Variants in NIPAL3 observed in about 807,000 individuals in gnomAD.
NIPAL3 encodes NIPA-like protein 3.
In NIPAL3, 41 loss-of-function variants were observed where a neutral mutation model predicts 47.2. The observed-to-expected ratio is 0.87, with a 90% confidence interval of 0.68 to 1.13. The LOEUF (loss-of-function observed/expected upper bound fraction) is 1.13, where lower values mean the gene tolerates loss of function less well. Ranked by LOEUF, NIPAL3 falls within the 50% of genes most tolerant of loss-of-function variation. The pLI, the probability that NIPAL3 is intolerant of heterozygous loss-of-function variation, is 0.00. For missense variants in NIPAL3, 449 were observed against 530.1 expected, an observed-to-expected ratio of 0.85 and a Z score of 1.50; for synonymous variants, 194 against 209.6, an observed-to-expected ratio of 0.93 and a Z score of 0.64.
chr1:24,432,533 C>T (rs1245657207), intron 2 of NIPAL3, among the ~76,000 whole-genome samples: 2 of 152,226 alleles, frequency 1.3e-5, no homozygotes, highest in Non-Finnish European at 2.9e-5. Context: ...TCAATACCTA[C>T]CCTGTTCCAG....
In NIPAL3 at chr1:24,419,535, C is replaced by G. The variant is rs185544511; in HGVS notation, c.-13C>G. On this transcript the variant is annotated 5_prime_UTR_variant, in exon 2 of 12. Transcript: ENST00000374399. Reference sequence around the variant, plus strand: ...CCTAGGCCAGGCCCTGTGGGATGCGCCACTAGACCACCATGGACGGATCCC... The same window carrying G: ...CCTAGGCCAGGCCCTGTGGGATGCGGCACTAGACCACCATGGACGGATCCC... 2.7e-5 allele frequency: 44 copies of G among 1,608,652 alleles called. No homozygotes were observed. The highest frequency in any genetic ancestry group is 3.7e-5 in the Non-Finnish European group (43 of 1,177,768).
chr1:24,436,007 C>T (rs1645086983), intron 2 of NIPAL3, among the ~76,000 whole-genome samples: 2 of 152,172 alleles, frequency 1.3e-5, no homozygotes, highest in South Asian at 2.1e-4. Context: ...ATGGAAGGGG[C>T]GAGCAGCCTC....
At chr1:24,453,296 A>G in intron 6 of NIPAL3, 112 bp from the exon 7 acceptor site, 1 of 691,178 alleles carries the variant, frequency 1.4e-6, no homozygotes, top group Non-Finnish European at 2.6e-6. Context: ...ATCATAGCTC[A>G]GTCATTCCCT....
In NIPAL3 at chr1:24,449,630, A is replaced by G; in HGVS notation, c.540+4A>G. 1 of 1,612,466 alleles carries G rather than the reference A, an allele frequency of 6.2e-7. No homozygotes were observed. Among genetic ancestry groups the G allele is most frequent in the Non-Finnish European group, 8.5e-7 (1 of 1,179,606 alleles). On this transcript the variant is annotated splice_donor_region_variant and intron_variant, in intron 6 of 11. Coordinates refer to ENST00000374399, the MANE Select transcript of NIPAL3 (RefSeq NM_020448.5). The surrounding 1 kb of genome is among the most constrained non-coding windows in gnomAD (Gnocchi z 4.5). The stretch of plus-strand genomic sequence containing the variant: ...CTGGCCTTTCCTTTTGTACATGGTA[A>G]GAGAAGCCTCCAGTCGTTCCCCCTG...
chr1:24,456,317 T>A, intron 8 of NIPAL3, 44 bp downstream of exon 8: 1 of 1,613,158 alleles, frequency 6.2e-7, no homozygotes, highest in Non-Finnish European at 8.5e-7. Context: ...CCATTCGGGC[T>A]GCTTCTCTTT....
At chr1:24,429,188 T>A (rs2148772570) in intron 2 of NIPAL3, among the ~76,000 whole-genome samples, 1 of 152,238 alleles carries the variant, frequency 6.6e-6, no homozygotes, top group Admixed American at 6.5e-5. Context: ...GGTGGGCAGA[T>A]CACCTGAGGT....
At chr1:24,429,887 AAT>A (rs1644800700) in intron 2 of NIPAL3, among the ~76,000 whole-genome samples, 1 of 152,224 alleles carries the variant, frequency 6.6e-6, no homozygotes, top group South Asian at 2.1e-4. Context: ...AAAGATGTAG[AAT>A]AGGTAATCAA....
chr1:24,416,399 C>G lies in NIPAL3; in HGVS notation c.-258+495C>G, dbSNP rs1644036540. 1 of 913,646 alleles carries G rather than the reference C, an allele frequency of 1.1e-6. No individual in the cohort carries two copies. The highest frequency in any genetic ancestry group is 1.3e-6 in the Non-Finnish European group (1 of 764,510). The allele number at this position is 913,646 out of a possible 1,614,324, so 56.6% of individuals were successfully genotyped here. ...TTGGCAGGGAACTGGCGCTCACCTC[C>G]AGAAGCCAGATCGTCGGGTGGTGGG... On this transcript the variant is annotated intron_variant, in intron 1 of 11. Coordinates refer to ENST00000374399, the MANE Select transcript of NIPAL3 (RefSeq NM_020448.5). This position sits in a 1 kb window ranked among gnomAD's most constrained non-coding sequence, Gnocchi z 4.8.
At chr1:24,441,894 T>A (rs1464216141) in intron 3 of NIPAL3, among the ~76,000 whole-genome samples, 161 bp from the exon 4 acceptor site, 1 of 152,178 alleles carries the variant, frequency 6.6e-6, no homozygotes, top group Non-Finnish European at 1.5e-5. Flanking sequence ...ATCTAGTATT[T>A]AGATCCCCAC....
At chr1:24,441,401 A>G (rs1212172280) in intron 3 of NIPAL3, among the ~76,000 whole-genome samples, 1 of 152,152 alleles carries the variant, frequency 6.6e-6, no homozygotes, top group Non-Finnish European at 1.5e-5. Flanking sequence ...ATCCTCCCCA[A>G]ATGGCAGACT....
Position 24,424,563 on chromosome 1 carries a change from A to G in NIPAL3, c.93+4923A>G, listed in dbSNP as rs557564682. On this transcript the variant is annotated intron_variant, in intron 2 of 11. Coordinates refer to ENST00000374399, the MANE Select transcript of NIPAL3 (RefSeq NM_020448.5). ...CTCCTTTCTCGATTTTGTTAAGGCT[A>G]TTTTGATTGCAAGGAGTAAAAACCC... 5.9e-5 allele frequency among the ~76,000 whole-genome samples: 9 copies of G among 152,298 alleles called. No homozygotes were observed. In the East Asian group the frequency reaches 1.7e-3, roughly 29 times the overall value.
In NIPAL3 at chr1:24,453,463, CCAA is replaced by C. The variant is rs751278232; in HGVS notation, c.602_604del (p.Asn201del). 1.2e-5 allele frequency: 20 copies of C among 1,613,644 alleles called. No homozygotes were observed. The highest frequency in any genetic ancestry group is 1.7e-5 in the Non-Finnish European group (20 of 1,179,822). On this transcript the variant is annotated inframe_deletion, in exon 7 of 12. Coordinates refer to ENST00000374399, the MANE Select transcript of NIPAL3 (RefSeq NM_020448.5). Reference sequence around the variant, plus strand: ...CTCTACTTCTACAAGGAGAAGAACGCCAACAACATTGTCGTGATTCTTCTCTTG... The same window carrying C: ...CTCTACTTCTACAAGGAGAAGAACGCCAACATTGTCGTGATTCTTCTCTTG...
chr1:24,425,940 C>A (rs1476583377), intron 2 of NIPAL3, among the ~76,000 whole-genome samples: 1 of 152,136 alleles, frequency 6.6e-6, no homozygotes, highest in Non-Finnish European at 1.5e-5. Context: ...CTTTAGCCAC[C>A]CTTTCATAGC....
intron 10 of NIPAL3, among the ~76,000 whole-genome samples, chr1:24,462,363 G>A (rs1570377894): frequency 6.6e-6 from 1 of 152,280 alleles, no homozygotes; most frequent in African/African-American, 2.4e-5. Context: ...TATTTATATA[G>A]TAGCTTTATT....
In NIPAL3 at chr1:24,456,140, T is replaced by A; in HGVS notation, c.640T>A (p.Ser214Thr). The change falls in exon 8 of 12, where the codon TCC becomes ACC. Residue 214 changes from serine to threonine, a missense_variant and splice_region_variant. Transcript: ENST00000374399. ...TCGCCCTTGTCTCCCATCTGCAGGC[T>A]CCATGACAGTGGTGACAGTCAAGGC... The part of the protein sequence containing the change: ...VILLLVALLG[S>T]MTVVTVKAVA... 1 of 1,614,166 alleles carries A rather than the reference T, an allele frequency of 6.2e-7. No homozygotes were observed. Among genetic ancestry groups the A allele is most frequent in the East Asian group, 2.2e-5 (1 of 44,884 alleles).
In NIPAL3 at chr1:24,442,224, T is replaced by C. The variant is rs1181338090; in HGVS notation, c.332T>C (p.Ile111Thr). The C allele has an allele frequency of 6.2e-7, 1 of 1,613,758 alleles. No homozygotes were observed. The highest frequency in any genetic ancestry group is 1.3e-5 in the African/African-American group (1 of 75,040). ...LIVPLSAVSV[I>T]ASAIIGIIFI... ...GTGCCCCTCAGCGCAGTTTCTGTGA[T>C]AGGTAAGACCAGGGCTGCCCCACCC... The change falls in exon 4 of 12, where the codon ATA becomes ACA. Residue 111 changes from isoleucine (I) to threonine (T), a missense_variant and splice_region_variant. Transcript: ENST00000374399.
In NIPAL3 at chr1:24,442,044, C is replaced by T. The variant is rs780816273; in HGVS notation, c.163-11C>T. On this transcript the variant is annotated splice_polypyrimidine_tract_variant and intron_variant, in intron 3 of 11. Transcript: ENST00000374399. The stretch of plus-strand genomic sequence containing the variant: ...CATCTGAGCAAATTGCATTATTTCT[C>T]GGGTTTCTAGAAGTACTGCCACATC... 1.1e-5 allele frequency: 17 copies of T among 1,611,464 alleles called. No homozygotes were observed. The Admixed American group carries it at 1.3e-4, about 13-fold the overall frequency.
At chr1:24,442,475 C>T (rs987165732) in intron 4 of NIPAL3, among the ~76,000 whole-genome samples, 4 of 152,140 alleles carry the variant, frequency 2.6e-5, no homozygotes, top group African/African-American at 4.8e-5. Context: ...AACTGAGGCA[C>T]GGGGTAATGA....
chr1:24,430,311 C>T (rs537707023), intron 2 of NIPAL3, among the ~76,000 whole-genome samples: 2 of 126,906 alleles, frequency 1.6e-5, no homozygotes, highest in African/African-American at 3.5e-5. Flanking sequence ...AGTGCAATGG[C>T]GCGATCTCAG....
Sources: allele counts gnomAD v4.1 joint callset (sites outside exome capture counted in the v4.1 genomes callset), GRCh38; gene constraint gnomAD v4.1.1; non-coding constraint Gnocchi (gnomAD v3.1); transcripts MANE v1.5; gene names NCBI Gene and HGNC (gene_info 2026-07-23, HGNC 2026-07-21).